C1orf159: variants seen among roughly 807,000 people sequenced by gnomAD.
The protein encoded by C1orf159 is chromosome 1 open reading frame 159.
In C1orf159, 19 loss-of-function variants were observed where a neutral mutation model predicts 25.6. The observed-to-expected ratio is 0.74, with a 90% CI of 0.52 to 1.09. The LOEUF is 1.09. Among genes scored for constraint, C1orf159 ranks in the 50% least tolerant of loss-of-function variants. The probability of loss-of-function intolerance (pLI) is 0.00; values close to 1 mark genes in which losing one functional copy is unlikely to be tolerated. For synonymous variants in C1orf159, 139 were observed against 124.7 expected (o/e 1.12, Z -0.77); for missense variants, 274 against 290.6 (o/e 0.94, Z 0.42).
At chr1:1,085,455 G>GGT (rs1208808461) in intron 7 of C1orf159, 1 of 291,050 alleles carries the variant, frequency 3.4e-6, no homozygotes, top group African/African-American at 2.2e-5. Context: ...CGTAGGCTGG[G>GGT]GTGTGGGCCC....
intron 7 of C1orf159, 59 bp downstream of exon 7, chr1:1,085,819 C>T (rs893027488): frequency 3.1e-6 from 5 of 1,594,626 alleles, no homozygotes; most frequent in Admixed American, 3.4e-5. Context: ...CCCATCTCCA[C>T]GGCTGGATGC....
rs1327824324 is a variant in C1orf159, at chr1:1,089,524, C to T, written c.148+829G>A. ...CATCACTGCCTTCCTGTGGGCTCCC[C>T]AACCCCCACGCCCAGCCTCGGACCC... On this transcript the variant is annotated intron_variant, in intron 4 of 9. Transcript: ENST00000421241. This position sits in a 1 kb window ranked among gnomAD's most constrained non-coding sequence, Gnocchi z 7.5. Among the ~76,000 whole-genome samples the T allele has an allele frequency of 6.6e-6, 1 of 152,168 alleles. No homozygotes were observed. The highest frequency in any genetic ancestry group is 1.5e-5 in the Non-Finnish European group (1 of 68,014).
At chr1:1,108,065 C>A (rs1160414829) in intron 1 of C1orf159, among the ~76,000 whole-genome samples, 1 of 152,144 alleles carries the variant, frequency 6.6e-6, no homozygotes, top group Non-Finnish European at 1.5e-5. Context: ...CCATTCACCA[C>A]AGCCACCATG....
chr1:1,114,076 C>T (rs1470325206), intron 1 of C1orf159, among the ~76,000 whole-genome samples: 2 of 152,042 alleles, frequency 1.3e-5, no homozygotes, highest in African/African-American at 4.8e-5. Context: ...GCCACCATGC[C>T]CGGCTAATTT....
At chr1:1,107,796 T>G (rs1252041084) in intron 1 of C1orf159, among the ~76,000 whole-genome samples, 1 of 152,196 alleles carries the variant, frequency 6.6e-6, no homozygotes, top group East Asian at 1.9e-4. Flanking sequence ...CAATAAATCT[T>G]GCTGCTGCTC....
intron 9 of C1orf159, chr1:1,083,561 C>T (rs376539404): frequency 3.0e-5 from 8 of 267,028 alleles, no homozygotes; most frequent in African/African-American, 1.1e-4. Flanking sequence ...AGGCAGACAG[C>T]GTCCTCCCCG....
At chr1:1,097,003 T>C (rs1420721830) in intron 1 of C1orf159, among the ~76,000 whole-genome samples, 1 of 152,190 alleles carries the variant, frequency 6.6e-6, no homozygotes, top group African/African-American at 2.4e-5. Flanking sequence ...TCTCCCAAAG[T>C]GCTGGGATTA....
At chr1:1,115,840 GC>G (rs1646332413) in intron 1 of C1orf159, among the ~76,000 whole-genome samples, 1 of 147,774 alleles carries the variant, frequency 6.8e-6, no homozygotes, top group Non-Finnish European at 1.5e-5. Flanking sequence ...TAGGACCGCG[GC>G]CAGGCTCGTT....
chr1:1,086,917 A>G (rs982015319), intron 6 of C1orf159, among the ~76,000 whole-genome samples: 1 of 152,162 alleles, frequency 6.6e-6, no homozygotes, highest in Non-Finnish European at 1.5e-5. Context: ...GCCTCCCCTA[A>G]CTACGGCCCT....
At chr1:1,095,070 C>T (rs187038062) in intron 1 of C1orf159, among the ~76,000 whole-genome samples, 1 of 152,340 alleles carries the variant, frequency 6.6e-6, no homozygotes. Context: ...TATTCTGTTC[C>T]ACTCACCTGT....
intron 1 of C1orf159, chr1:1,092,803 C>G (rs1645960293): frequency 6.6e-6 from 1 of 152,356 alleles, no homozygotes; most frequent in Non-Finnish European, 1.5e-5. Flanking sequence ...TGTGAGCCTG[C>G]CGGAGGACTC....
intron 1 of C1orf159, among the ~76,000 whole-genome samples, chr1:1,104,698 T>C (rs1345864118): frequency 1.3e-5 from 2 of 152,022 alleles, no homozygotes; most frequent in African/African-American, 2.4e-5. Context: ...GGGAGGCTGA[T>C]GCAAGAGGAC....
chr1:1,100,796 C>T (rs1208043869), intron 1 of C1orf159, among the ~76,000 whole-genome samples: 3 of 152,130 alleles, frequency 2.0e-5, no homozygotes, highest in Admixed American at 2.0e-4. Context: ...CAATTTCAAC[C>T]TTGCTTTTTC....
intron 9 of C1orf159, 113 bp from the exon 10 acceptor site, chr1:1,083,100 G>C: frequency 1.2e-6 from 1 of 859,480 alleles, no homozygotes; most frequent in Non-Finnish European, 1.8e-6. Flanking sequence ...ACAGGCGCCC[G>C]GGGCTGTTTA....
intron 1 of C1orf159, among the ~76,000 whole-genome samples, chr1:1,093,925 C>T (rs1376548028): frequency 1.3e-5 from 2 of 152,148 alleles, no homozygotes; most frequent in African/African-American, 2.4e-5. Context: ...GCAGGGTGTC[C>T]GTGCATGTGC....
At position 1,089,171 on chromosome 1, in the gene C1orf159, G is replaced by A. The variant is rs573157755; in HGVS notation, c.148+1182C>T. 1.7e-4 allele frequency among the ~76,000 whole-genome samples: 26 copies of A among 152,164 alleles called. No individual in the cohort carries two copies. The highest frequency in any genetic ancestry group is 4.6e-4 in the African/African-American group (19 of 41,518). Reference sequence around the variant, plus strand: ...GCAGGCCCGGCCCCTCCCCACGCGCGCCAGACGGTCCCCACCCTGCGCCTG... The same window carrying A: ...GCAGGCCCGGCCCCTCCCCACGCGCACCAGACGGTCCCCACCCTGCGCCTG... On this transcript the variant is annotated intron_variant, in intron 4 of 9. Coordinates refer to ENST00000421241, the MANE Select transcript of C1orf159 (RefSeq NM_017891.5). The surrounding 1 kb of genome is among the most constrained non-coding windows in gnomAD (Gnocchi z 7.5).
At chr1:1,101,942 C>T (rs1033700674) in intron 1 of C1orf159, among the ~76,000 whole-genome samples, 14 of 151,428 alleles carry the variant, frequency 9.2e-5, no homozygotes, top group African/African-American at 1.5e-4. Flanking sequence ...CATGGTGGCA[C>T]GGGCATATAG....
Position 1,089,849 on chromosome 1 carries a change from C to T in C1orf159, c.148+504G>A, listed in dbSNP as rs1645898402. 6.6e-6 allele frequency among the ~76,000 whole-genome samples: 1 copy of T among 152,236 alleles called. No homozygotes were observed. Among genetic ancestry groups the T allele is most frequent in the Non-Finnish European group, 1.5e-5 (1 of 68,040 alleles). On this transcript the variant is annotated intron_variant, in intron 4 of 9. Transcript: ENST00000421241. This position sits in a 1 kb window ranked among gnomAD's most constrained non-coding sequence, Gnocchi z 7.5. The stretch of plus-strand genomic sequence containing the variant: ...ACACCCAGCTGCCCCCAGACAGTCC[C>T]TTCCGCAGCCTCCCAGAACCTCTGA...
intron 3 of C1orf159, 157 bp from the exon 4 acceptor site, chr1:1,090,585 G>A (rs970287011): frequency 1.3e-5 from 10 of 796,110 alleles, no homozygotes; most frequent in African/African-American, 6.9e-5. Flanking sequence ...GTCCCCTGTG[G>A]GCCTGGGAGC....
Sources: gnomAD v4.1 joint callset for allele counts (sites outside exome capture counted in the v4.1 genomes callset) on GRCh38, gnomAD v4.1.1 for gene constraint, Gnocchi (gnomAD v3.1) non-coding constraint, MANE v1.5 for transcripts, NCBI Gene and HGNC (gene_info 2026-07-23, HGNC 2026-07-21) for gene names.